Variants in MAP3K15 observed in about 807,000 individuals in gnomAD.
MAP3K15 encodes the protein mitogen-activated protein kinase kinase kinase 15, also known as MAPK/ERK kinase kinase 15.
Under a neutral mutation model 99.5 loss-of-function variants are expected in MAP3K15, and 124 were observed. The observed-to-expected ratio is 1.25, with a 90% CI of 1.08 to 1.45. The LOEUF (loss-of-function observed/expected upper bound fraction) is 1.45, where lower values mean the gene tolerates loss of function less well. Among genes scored for constraint, MAP3K15 ranks in the 40% most tolerant of loss-of-function variants. The pLI, the probability that MAP3K15 is intolerant of heterozygous loss-of-function variation, is 0.00. For synonymous variants in MAP3K15, 494 were observed against 439.6 expected, an observed-to-expected ratio of 1.12 and a Z score of -1.55; for missense variants, 1,242 against 1,079.7, an observed-to-expected ratio of 1.15 and a Z score of -2.11.
intron 1 of MAP3K15, among the ~76,000 whole-genome samples, chrX:19,499,331 T>C (rs1476595792): frequency 8.9e-6 from 1 of 112,220 alleles, no homozygotes; most frequent in African/African-American, 3.2e-5. Flanking sequence ...GTGCTAAGAA[T>C]ATAAAATGGT....
At chrX:19,424,398 C>A (rs193138381) in intron 9 of MAP3K15, among the ~76,000 whole-genome samples, 1 of 109,325 alleles carries the variant, frequency 9.1e-6, no homozygotes, top group Non-Finnish European at 1.9e-5. Context: ...ACAATTCTAA[C>A]GGAGCTTCAT....
At chrX:19,413,580 G>A (rs772584261) in intron 10 of MAP3K15, 116 bp from the exon 11 acceptor site, 10 of 347,519 alleles carry the variant, frequency 2.9e-5, no homozygotes, top group Middle Eastern at 4.9e-4. Flanking sequence ...GCCAGGCACA[G>A]TGGCTCACGC....
intron 6 of MAP3K15, among the ~76,000 whole-genome samples, chrX:19,448,562 CCT>C (rs1457189246): frequency 5.6e-5 from 6 of 107,597 alleles, no homozygotes; most frequent in East Asian, 2.8e-4. Context: ...AAGGTCCCCC[CCT>C]GTCCCCGAAA....
intron 6 of MAP3K15, among the ~76,000 whole-genome samples, chrX:19,454,959 CA>C (rs2064081448): frequency 8.9e-6 from 1 of 112,041 alleles, no homozygotes; most frequent in Non-Finnish European, 1.9e-5. Flanking sequence ...TTCAGATTTT[CA>C]GATTAGAGAT....
rs187538030 is a variant in MAP3K15 at position 19,441,481 on chromosome X, T to G, written c.996-9873A>C. 1.6e-4 allele frequency among the ~76,000 whole-genome samples: 18 copies of G among 111,491 alleles called. 1 individual carries two copies. The highest frequency in any genetic ancestry group is 4.9e-4 in the African/African-American group (15 of 30,705). ...GACTTGTACACTTTAAATGGGTTGT[T>G]TTTTGGGTCTTTGAGACAGGGTTTG... On this transcript the variant is annotated intron_variant, in intron 6 of 28. Coordinates refer to ENST00000338883, the MANE Select transcript of MAP3K15 (RefSeq NM_001001671.4).
Position 19,509,642 on chromosome X carries a change from G to A in MAP3K15, c.361+5259C>T, listed in dbSNP as rs189899687. On this transcript the variant is annotated intron_variant, in intron 1 of 28. Transcript: ENST00000338883. The stretch of plus-strand genomic sequence containing the variant: ...ACTAAATGCCCACAAGAGAAAGCAG[G>A]AAAGATCTAAAATCGACACCCTAAC... 3.6e-5 allele frequency among the ~76,000 whole-genome samples: 4 copies of A among 111,685 alleles called. No homozygotes were observed. The Admixed American group carries it at 3.8e-4, about 11-fold the overall frequency.
chrX:19,513,983 T>G lies in MAP3K15; in HGVS notation c.361+918A>C, dbSNP rs1025029990. Among the ~76,000 whole-genome samples, 13 of 111,233 alleles carry G rather than the reference T, an allele frequency of 1.2e-4. 1 individual carries two copies. On this transcript the variant is annotated intron_variant, in intron 1 of 28. Transcript: ENST00000338883. ...GTCCCACTCCAGCAAAGGTGCCCCC[T>G]AACCCGTGAATGCTGTGCATTATGG...
intron 11 of MAP3K15, among the ~76,000 whole-genome samples, chrX:19,412,305 T>C (rs865970436): frequency 2.0e-4 from 22 of 111,391 alleles, no homozygotes; most frequent in African/African-American, 5.9e-4. Flanking sequence ...TGTTCAGGAG[T>C]GGGTAACTGT....
chrX:19,505,395 C>A (rs1326837515), intron 1 of MAP3K15, among the ~76,000 whole-genome samples: 1 of 111,985 alleles, frequency 8.9e-6, no homozygotes, highest in African/African-American at 3.2e-5. Context: ...ACAAACGATG[C>A]CAAAATCTCA....
At chrX:19,438,798 T>A (rs2063940063) in intron 6 of MAP3K15, among the ~76,000 whole-genome samples, 2 of 112,251 alleles carry the variant, frequency 1.8e-5, no homozygotes, top group African/African-American at 6.5e-5. Flanking sequence ...TTGTGTTGGG[T>A]CACCTGTCAA....
chrX:19,404,873 G>A (rs2063636104), intron 13 of MAP3K15, among the ~76,000 whole-genome samples: 1 of 111,526 alleles, frequency 9.0e-6, no homozygotes, highest in South Asian at 3.7e-4. Context: ...AATTCAAAAT[G>A]GGTCAAAAAC....
At chrX:19,406,142 A>G (rs1052855189) in intron 13 of MAP3K15, among the ~76,000 whole-genome samples, 1 of 111,907 alleles carries the variant, frequency 8.9e-6, no homozygotes, top group Non-Finnish European at 1.9e-5. Context: ...AGCCACATAC[A>G]TTGCTAATGG....
intron 6 of MAP3K15, among the ~76,000 whole-genome samples, chrX:19,432,648 T>C (rs1283548032): frequency 1.8e-5 from 2 of 109,875 alleles, no homozygotes; most frequent in East Asian, 5.6e-4. Context: ...GGTATGATAA[T>C]ATAAAACCTA....
Position 19,470,546 on chromosome X carries a change from T to TAA in MAP3K15, c.526-6142_526-6141dup, listed in dbSNP as rs56319020. 1.7e-3 allele frequency among the ~76,000 whole-genome samples: 168 copies of TAA among 97,321 alleles called. 1 individual carries two copies. The highest frequency in any genetic ancestry group is 2.4e-3 in the Non-Finnish European group (119 of 49,002). The allele number at this position is 97,321 out of a possible 115,157, so 84.5% of individuals were successfully genotyped here. A position where few individuals can be genotyped will look rare whatever the true frequency, so the allele number is the denominator to read the frequency against. ...TGCACATGTACCCTAAAACTTAAAT[T>TAA]AAAAAAAAAAAAAGAAGTGACATCA... On this transcript the variant is annotated intron_variant, in intron 3 of 28. Transcript: ENST00000338883.
rs1243891837 is a variant in MAP3K15, at chrX:19,364,183, AG to A, written c.3567-1334del. Reference sequence around the variant, plus strand: ...TGAGGTAACTGAGGCAGAGGAGTTAAGTAACGCCCAGAGTCCACAGGCTGGG... The same window carrying A: ...TGAGGTAACTGAGGCAGAGGAGTTAATAACGCCCAGAGTCCACAGGCTGGG... On this transcript the variant is annotated intron_variant, in intron 25 of 28. Transcript: ENST00000338883. Among the ~76,000 whole-genome samples the A allele has an allele frequency of 3.6e-5, 4 of 111,991 alleles. No homozygotes were observed. The Admixed American group carries it at 3.8e-4, about 11-fold the overall frequency.
At chrX:19,419,542 G>T (rs1168585675) in intron 9 of MAP3K15, among the ~76,000 whole-genome samples, 1 of 110,878 alleles carries the variant, frequency 9.0e-6, no homozygotes, top group African/African-American at 3.3e-5. Context: ...CATAAAGCAA[G>T]TCCTTAGAGA....
At chrX:19,443,023 T>C (rs1272621111) in intron 6 of MAP3K15, among the ~76,000 whole-genome samples, 24 of 9,443 alleles carry the variant, frequency 2.5e-3, no homozygotes, top group African/African-American at 0.012. Flanking sequence ...CATGCCCGGC[T>C]TTTTTTTTTT....
At chrX:19,412,649 G>C (rs1314837346) in intron 11 of MAP3K15, among the ~76,000 whole-genome samples, 1 of 111,647 alleles carries the variant, frequency 9.0e-6, no homozygotes, top group Admixed American at 9.5e-5. Context: ...CTTAGTAAAA[G>C]AGTCTGAGTT....
Position 19,514,905 on chromosome X carries a change from G to C in MAP3K15, c.357C>G (p.Asp119Glu). The C allele has an allele frequency of 8.9e-7, 1 of 1,121,277 alleles. No homozygotes were observed. The highest frequency in any genetic ancestry group is 1.2e-6 in the Non-Finnish European group (1 of 851,357). The allele number at this position is 1,121,277 out of a possible 1,213,427, so 92.4% of individuals were successfully genotyped here. The change falls in exon 1 of 29, where the codon GAC becomes GAG. Residue 119 changes from aspartate (D) to glutamate (E), a missense_variant. By Grantham distance (45) the Asp-to-Glu change is conservative (BLOSUM62 2). Transcript: ENST00000338883. ...TGGGGACGAAGCCGCTCTCACCTGC[G>C]TCGTAGAAGGCGTCGAGCACGGCCG... The part of the protein sequence containing the change: ...GETAVLDAFY[D>E]ADVAVVDMSD...
Sources: allele counts gnomAD v4.1 joint callset (sites outside exome capture counted in the v4.1 genomes callset), GRCh38; gene constraint gnomAD v4.1.1; transcripts MANE v1.5; gene names NCBI Gene and HGNC (gene_info 2026-07-23, HGNC 2026-07-21).